ZNF777: variants seen among roughly 807,000 people sequenced by gnomAD.
The protein encoded by ZNF777 is zinc finger protein 777.
A neutral mutation model predicts 72.1 loss-of-function variants in ZNF777; 7 were observed. That is an observed-to-expected ratio of 0.10 (90% CI 0.06 to 0.18). The LOEUF (loss-of-function observed/expected upper bound fraction) is 0.18. Among genes scored for constraint, ZNF777 ranks in the 10% least tolerant of loss-of-function variants. The pLI, the probability that ZNF777 is intolerant of heterozygous loss-of-function variation, is 1.00. For missense variants in ZNF777, 828 were observed against 1,128.6 expected, an observed-to-expected ratio of 0.73 and a Z score of 3.82; for synonymous variants, 545 against 483.5, an observed-to-expected ratio of 1.13 and a Z score of -1.67.
intron 4 of ZNF777, among the ~76,000 whole-genome samples, chr7:149,440,665 GTTTTTTTGTTTTTTTTT>G (rs1799497309): frequency 1.1e-5 from 1 of 88,396 alleles, no homozygotes; most frequent in Non-Finnish European, 2.1e-5. Context: ...GCAGCCTGTT[GTTTTTTTGTTTTTTTTT>G]TTTTTTTTTT....
At chr7:149,434,305 T>G (rs977586447) in intron 5 of ZNF777, among the ~76,000 whole-genome samples, 2 of 152,184 alleles carry the variant, frequency 1.3e-5, no homozygotes, top group African/African-American at 2.4e-5. Context: ...TTCCTTGGCC[T>G]CCTCTACAGC....
chr7:149,444,771 C>T (rs1402365784), intron 4 of ZNF777, among the ~76,000 whole-genome samples: 1 of 152,236 alleles, frequency 6.6e-6, no homozygotes, highest in Non-Finnish European at 1.5e-5. Context: ...CTCATTTCTT[C>T]GCATGACTCT....
intron 4 of ZNF777, among the ~76,000 whole-genome samples, chr7:149,446,656 C>T (rs1193114280): frequency 6.6e-6 from 1 of 151,946 alleles, no homozygotes; most frequent in Non-Finnish European, 1.5e-5. Context: ...TGGATCATTC[C>T]CATCAACATT....
Position 149,440,665 on chromosome 7 carries a change from G to GTTTT in ZNF777, c.1088-3843_1088-3840dup, listed in dbSNP as rs199888410. Among the ~76,000 whole-genome samples, 9 of 88,402 alleles carry GTTTT rather than the reference G, an allele frequency of 1.0e-4. 1 individual carries two copies. The highest frequency in any genetic ancestry group is 3.7e-4 in the East Asian group (1 of 2,704). 58.0% of individuals were successfully genotyped at this position (88,402 alleles called of 152,430 possible). On this transcript the variant is annotated intron_variant, in intron 4 of 5. Coordinates refer to ENST00000247930, the MANE Select transcript of ZNF777 (RefSeq NM_015694.3). ...GAGCCACCATGCCCAGCAGCCTGTTGTTTTTTTGTTTTTTTTTTTTTTTTT... is the reference window on the plus strand; with the variant it reads ...GAGCCACCATGCCCAGCAGCCTGTTGTTTTTTTTTTTGTTTTTTTTTTTTTTTTT...
At chr7:149,442,866 T>G (rs1279370234) in intron 4 of ZNF777, among the ~76,000 whole-genome samples, 1 of 152,226 alleles carries the variant, frequency 6.6e-6, no homozygotes, top group East Asian at 1.9e-4. Flanking sequence ...AATATTGTGT[T>G]TTTTCTACTT....
Position 149,455,834 on chromosome 7 carries a change from G to A in ZNF777, c.189C>T (p.Pro63=), listed in dbSNP as rs375706188. Residue 63 remains proline (P), a synonymous_variant, in exon 2 of 6, where the codon CCC becomes CCT. Transcript: ENST00000247930. The surrounding 1 kb of genome is among the most constrained non-coding windows in gnomAD (Gnocchi z 4.2). The stretch of plus-strand genomic sequence containing the variant: ...GCATCCGGCCAGAAGTCTCTTGCTT[G>A]GGAGCACTGGAAGTTTGGGGCAGGG... ...QGSLPQTSSA[P]KQETSGRMPH... The A allele has an allele frequency of 1.9e-6, 3 of 1,613,952 alleles. No individual in the cohort carries two copies. The highest frequency in any genetic ancestry group is 1.1e-5 in the South Asian group (1 of 91,078).
Position 149,436,477 on chromosome 7 carries a change from G to T in ZNF777, c.1339+98C>A. The T allele has an allele frequency of 7.1e-7, 1 of 1,415,536 alleles. No individual in the cohort carries two copies. The highest frequency in any genetic ancestry group is 9.5e-7 in the Non-Finnish European group (1 of 1,053,970). The allele number at this position is 1,415,536 out of a possible 1,614,324, so 87.7% of individuals were successfully genotyped here. A position where few individuals can be genotyped will look rare whatever the true frequency, so the allele number is the denominator to read the frequency against. ...CCACCTGTTGCCCCATCAGTGTCCA[G>T]CTACCTCTCTGAAGGAACCACAGCT... is the stretch of plus-strand genomic sequence containing the variant. On this transcript the variant is annotated intron_variant, in intron 5 of 5. Coordinates refer to ENST00000247930, the MANE Select transcript of ZNF777 (RefSeq NM_015694.3). This position sits in a 1 kb window ranked among gnomAD's most constrained non-coding sequence, Gnocchi z 5.0.
intron 1 of ZNF777, among the ~76,000 whole-genome samples, 179 bp from the exon 2 acceptor site, chr7:149,456,216 C>T (rs1375046024): frequency 1.3e-5 from 2 of 152,176 alleles, no homozygotes; most frequent in African/African-American, 4.8e-5. Context: ...AATTATACCA[C>T]TATTATGAAC....
chr7:149,459,641 G>A, intron 1 of ZNF777: 6 of 985,164 alleles, frequency 6.1e-6, no homozygotes, highest in African/African-American at 1.7e-5. Flanking sequence ...CTGCCGCACC[G>A]TGCCACGGAT....
chr7:149,439,762 T>C (rs565841060), intron 4 of ZNF777, among the ~76,000 whole-genome samples: 141 of 152,352 alleles, frequency 9.3e-4, no homozygotes, highest in African/African-American at 3.3e-3. Flanking sequence ...TAACCACAGG[T>C]CTCTAAGTGT....
intron 3 of ZNF777, among the ~76,000 whole-genome samples, chr7:149,452,971 T>C (rs1267390885): frequency 6.6e-6 from 1 of 152,218 alleles, no homozygotes; most frequent in Non-Finnish European, 1.5e-5. Flanking sequence ...TCAAAAGCCC[T>C]AATGGTTCAC....
In ZNF777 at chr7:149,432,727, C is replaced by A. The variant is rs1318923589; in HGVS notation, c.1545G>T (p.Arg515Ser). The part of the protein sequence containing the change: ...PLQLGNPAVK[R>S]LAPSVHGERH... The stretch of plus-strand genomic sequence containing the variant: ...GCTCACCGTGCACGGAGGGCGCCAG[C>A]CTTTTCACTGCGGGGTTTCCTAGCT... Residue 515 changes from arginine to serine, a missense_variant, in exon 6 of 6, where the codon AGG (arginine) becomes AGT (serine). Arg to Ser is a moderately radical substitution (Grantham distance 110). This residue lies in a region of ZNF777 where 219 missense variants were observed against 223.0 expected (regional missense o/e 0.98). Coordinates refer to ENST00000247930, the MANE Select transcript of ZNF777 (RefSeq NM_015694.3). 1 of 1,612,380 alleles carries A rather than the reference C, an allele frequency of 6.2e-7. No individual in the cohort carries two copies.
In ZNF777 at chr7:149,460,403, G is replaced by T. The variant is rs1331346163; in HGVS notation, c.-16+412C>A. 1.4e-5 allele frequency among the ~76,000 whole-genome samples: 2 copies of T among 146,014 alleles called. No homozygotes were observed. Among genetic ancestry groups the T allele is most frequent in the Non-Finnish European group, 1.5e-5 (1 of 65,766 alleles). On this transcript the variant is annotated intron_variant, in intron 1 of 5. Transcript: ENST00000247930. The surrounding 1 kb of genome is among the most constrained non-coding windows in gnomAD (Gnocchi z 6.1). ...GGCGCGCGGCTGTGCGGGCGGCCCG[G>T]CCGGCTGCGTCCCGGCGGCGAGCTG...
At chr7:149,441,242 T>C (rs978376524) in intron 4 of ZNF777, among the ~76,000 whole-genome samples, 105 of 152,214 alleles carry the variant, frequency 6.9e-4, no homozygotes, top group African/African-American at 2.3e-3. Context: ...TGTGGGAATA[T>C]AGTTTATGAA....
chr7:149,451,282 G>T (rs1460502493), intron 3 of ZNF777, among the ~76,000 whole-genome samples, 170 bp from the exon 4 acceptor site: 1 of 152,050 alleles, frequency 6.6e-6, no homozygotes, highest in Admixed American at 6.6e-5. Context: ...TGGGTGTGGG[G>T]GTGTGGGTGT....
intron 4 of ZNF777, among the ~76,000 whole-genome samples, chr7:149,448,593 A>C (rs57914870): frequency 6.7e-5 from 7 of 104,808 alleles, no homozygotes; most frequent in South Asian, 7.3e-4. Context: ...ATATATATAT[A>C]TATATATATA....
At chr7:149,459,879 G>A (rs1799911914) in intron 1 of ZNF777, 1 of 981,388 alleles carries the variant, frequency 1.0e-6, no homozygotes, top group Non-Finnish European at 1.2e-6. Flanking sequence ...TCGGGGCCGC[G>A]TGTGTGCCGG....
chr7:149,457,365 G>T (rs1250901867), intron 1 of ZNF777, among the ~76,000 whole-genome samples: 1 of 152,144 alleles, frequency 6.6e-6, no homozygotes, highest in Non-Finnish European at 1.5e-5. Flanking sequence ...CAGTCACTAT[G>T]CTCTATATCC....
At position 149,435,755 on chromosome 7, in the gene ZNF777, AT is replaced by A. The variant is rs936630624; in HGVS notation, c.1339+819del. 5.3e-5 allele frequency among the ~76,000 whole-genome samples: 8 copies of A among 151,234 alleles called. No individual in the cohort carries two copies. The East Asian group carries it at 9.7e-4, about 18-fold the overall frequency. Reference sequence around the variant, plus strand: ...TTTTCAAGGAACACACTCAATTCCTATTTTTTTTTCAGAATACAGAACAACA... The same window carrying A: ...TTTTCAAGGAACACACTCAATTCCTATTTTTTTTCAGAATACAGAACAACA... On this transcript the variant is annotated intron_variant, in intron 5 of 5. Coordinates refer to ENST00000247930, the MANE Select transcript of ZNF777 (RefSeq NM_015694.3).
Sources: allele counts gnomAD v4.1 joint callset (sites outside exome capture counted in the v4.1 genomes callset), GRCh38; gene constraint gnomAD v4.1.1; regional missense constraint gnomAD v4.1.1; non-coding constraint Gnocchi (gnomAD v3.1); transcripts MANE v1.5; gene names NCBI Gene and HGNC (gene_info 2026-07-23, HGNC 2026-07-21).